Variants in COLGALT1 observed in about 807,000 individuals in gnomAD.
COLGALT1 encodes the protein collagen beta(1-O)galactosyltransferase 1, also known as procollagen galactosyltransferase 1.
A neutral mutation model predicts 60.8 loss-of-function variants in COLGALT1; 43 were observed. The observed-to-expected ratio is 0.71, with a 90% CI of 0.55 to 0.91. The LOEUF (loss-of-function observed/expected upper bound fraction) is 0.91. Among genes scored for constraint, COLGALT1 ranks in the 40% least tolerant of loss-of-function variants. The pLI is 0.00. For missense variants in COLGALT1, 845 were observed against 880.0 expected (o/e 0.96, Z 0.50); for synonymous variants, 369 against 374.2 (o/e 0.99, Z 0.16).
chr19:17,575,390 C>T (rs1233712845), intron 6 of COLGALT1, among the ~76,000 whole-genome samples: 2 of 152,090 alleles, frequency 1.3e-5, no homozygotes, highest in Non-Finnish European at 2.9e-5. Context: ...GGACTACAGG[C>T]GCCTGCTACC....
intron 5 of COLGALT1, among the ~76,000 whole-genome samples, chr19:17,571,416 TAAATA>T (rs749954599): frequency 7.2e-6 from 1 of 139,278 alleles, no homozygotes; most frequent in Non-Finnish European, 1.6e-5. Context: ...TCAAAAAAAA[TAAATA>T]AATTAAATTA....
Position 17,579,529 on chromosome 19 carries a change from G to A in COLGALT1, c.1314G>A (p.Leu438=), listed in dbSNP as rs1194357000. 1 of 1,614,152 alleles carries A rather than the reference G, an allele frequency of 6.2e-7. No homozygotes were observed. ...AATCGCTTGTGTTTGAGGATGACCT[G>A]CGTTTTGAGATCTTCTTCAAGAGAC... is the stretch of plus-strand genomic sequence containing the variant. ...LQKSLVFEDD[L]RFEIFFKRRL... The change falls in exon 10 of 12, where the codon CTG becomes CTA. Residue 438 remains leucine (L), a synonymous_variant. Coordinates refer to ENST00000252599, the MANE Select transcript of COLGALT1 (RefSeq NM_024656.4).
chr19:17,575,360 C>G (rs1362753631), intron 6 of COLGALT1, among the ~76,000 whole-genome samples: 7 of 152,182 alleles, frequency 4.6e-5, no homozygotes, highest in Non-Finnish European at 1.0e-4. Flanking sequence ...ATTCTCCTGC[C>G]TCAGCCTCCC....
At chr19:17,579,834 C>A in intron 10 of COLGALT1, 1 of 580,000 alleles carries the variant, frequency 1.7e-6, no homozygotes. Context: ...CACAGCGCTG[C>A]AGCTGAGCCT....
intron 1 of COLGALT1, 77 bp downstream of exon 1, chr19:17,556,050 C>T: frequency 8.0e-7 from 1 of 1,251,450 alleles, no homozygotes. Flanking sequence ...TGGGTCCACG[C>T]GAGCCCCTGC....
intron 8 of COLGALT1, 83 bp downstream of exon 8, chr19:17,577,550 A>G (rs1032223083): frequency 1.1e-4 from 142 of 1,257,684 alleles, no homozygotes; most frequent in Non-Finnish European, 1.5e-4. Context: ...CAAGTGATTC[A>G]GATGGGGGCG....
intron 4 of COLGALT1, 79 bp downstream of exon 4, chr19:17,567,619 C>G: frequency 6.7e-7 from 1 of 1,495,958 alleles, no homozygotes; most frequent in African/African-American, 1.4e-5. Context: ...TACTGTCACA[C>G]AACCTCGTGG....
chr19:17,568,402 G>A, intron 4 of COLGALT1, 107 bp from the exon 5 acceptor site: 1 of 968,156 alleles, frequency 1.0e-6, no homozygotes, highest in South Asian at 1.4e-5. Context: ...GGCGCACACT[G>A]CTGTGCCTGG....
chr19:17,573,250 G>A (rs570374431), intron 6 of COLGALT1, among the ~76,000 whole-genome samples: 6 of 151,914 alleles, frequency 3.9e-5, no homozygotes, highest in Non-Finnish European at 7.4e-5. Context: ...AATTTTGGCC[G>A]GGTGCGGTGG....
rs1231650105 is a variant in COLGALT1 at position 17,572,589 on chromosome 19, G to A, written c.936G>A (p.Gln312=). Residue 312 remains glutamine, a synonymous_variant, in exon 6 of 12, where the codon CAG becomes CAA. Coordinates refer to ENST00000252599, the MANE Select transcript of COLGALT1 (RefSeq NM_024656.4). Reference sequence around the variant, plus strand: ...AGGCCGAGAGCTTCATGCATGTGCAGCTGGAGGTCATGGGTGAGTCTGCCT... The same window carrying A: ...AGGCCGAGAGCTTCATGCATGTGCAACTGGAGGTCATGGGTGAGTCTGCCT... ...QDEAESFMHV[Q]LEVMVKHPPA... The A allele has an allele frequency of 2.5e-6, 4 of 1,614,062 alleles. No homozygotes were observed. The highest frequency in any genetic ancestry group is 3.3e-5 in the Admixed American group (2 of 60,030).
At chr19:17,568,963 T>C (rs183782321) in intron 5 of COLGALT1, among the ~76,000 whole-genome samples, 156 of 152,266 alleles carry the variant, frequency 1.0e-3, no homozygotes, top group African/African-American at 3.6e-3. Context: ...GCAGAGTGGC[T>C]TATGCCTGTA....
intron 1 of COLGALT1, among the ~76,000 whole-genome samples, chr19:17,557,426 G>A (rs1388259037): frequency 1.3e-5 from 2 of 151,920 alleles, no homozygotes; most frequent in South Asian, 2.1e-4. Flanking sequence ...TCAGCCTCCC[G>A]AGTAGCTTGG....
chr19:17,568,830 C>T lies in COLGALT1; in HGVS notation c.829+117C>T, dbSNP rs2076295614. The T allele has an allele frequency of 4.0e-6, 4 of 996,942 alleles. No homozygotes were observed. The East Asian group carries it at 1.0e-4, about 26-fold the overall frequency. The allele number at this position is 996,942 out of a possible 1,614,324, so 61.8% of individuals were successfully genotyped here. On this transcript the variant is annotated intron_variant, in intron 5 of 11. Coordinates refer to ENST00000252599, the MANE Select transcript of COLGALT1 (RefSeq NM_024656.4). The stretch of plus-strand genomic sequence containing the variant: ...AGAACCCAAACAATGCAGCGCAGGG[C>T]TGACTTCAGGTGCAGCTGTATCTAG...
Position 17,577,870 on chromosome 19 carries a change from C to G in COLGALT1, c.1134-87C>G, listed in dbSNP as rs568624265. 14 of 1,520,886 alleles carry G rather than the reference C, an allele frequency of 9.2e-6. No individual in the cohort carries two copies. The South Asian group carries it at 1.7e-4, about 18-fold the overall frequency. 94.2% of individuals were successfully genotyped at this position (1,520,886 alleles called of 1,614,324 possible). ...TACAAGAGGTGGACCAGCTGCTCAACGCCGCAGGGGGTGGTGGAATGGCCG... is the reference window on the plus strand; with the variant it reads ...TACAAGAGGTGGACCAGCTGCTCAAGGCCGCAGGGGGTGGTGGAATGGCCG... On this transcript the variant is annotated intron_variant, in intron 8 of 11. Transcript: ENST00000252599.
At chr19:17,578,168 G>C in intron 9 of COLGALT1, 79 bp downstream of exon 9, 1 of 1,421,264 alleles carries the variant, frequency 7.0e-7, no homozygotes, top group Non-Finnish European at 9.2e-7. Context: ...GGGGTTGAAA[G>C]AGTTCCCCAA....
chr19:17,567,596 C>G, intron 4 of COLGALT1, 56 bp downstream of exon 4: 1 of 1,572,216 alleles, frequency 6.4e-7, no homozygotes. Context: ...GGTGCCGTGG[C>G]TAGAGTGTAA....
Position 17,564,453 on chromosome 19 carries a change from G to C in COLGALT1, c.490-2953G>C, listed in dbSNP as rs1329309212. 4.3e-5 allele frequency among the ~76,000 whole-genome samples: 4 copies of C among 92,900 alleles called. No individual in the cohort carries two copies. In the Admixed American group the frequency reaches 6.1e-4, roughly 14 times the overall value. 60.9% of individuals were successfully genotyped at this position (92,900 alleles called of 152,430 possible). ...TTTTTTTGAGATGGAGTCTCATTTT[G>C]TCACCCAGGCTAGAGTGCAGTGGCG... On this transcript the variant is annotated intron_variant, in intron 3 of 11. Coordinates refer to ENST00000252599, the MANE Select transcript of COLGALT1 (RefSeq NM_024656.4).
At chr19:17,565,877 T>C (rs954838841) in intron 3 of COLGALT1, among the ~76,000 whole-genome samples, 2 of 152,148 alleles carry the variant, frequency 1.3e-5, no homozygotes, top group African/African-American at 4.8e-5. Flanking sequence ...GTGTGTAACA[T>C]GACCACAGGG....
intron 9 of COLGALT1, 117 bp downstream of exon 9, chr19:17,578,206 C>T: frequency 1.7e-6 from 2 of 1,144,638 alleles, no homozygotes; most frequent in Non-Finnish European, 2.3e-6. Flanking sequence ...CAGCCTCAGC[C>T]ATGGGACCCA....
Sources: allele counts gnomAD v4.1 joint callset (sites outside exome capture counted in the v4.1 genomes callset), GRCh38; gene constraint gnomAD v4.1.1; transcripts MANE v1.5; gene names NCBI Gene and HGNC (gene_info 2026-07-23, HGNC 2026-07-21).